The following MSH3 variants were observed in gnomAD, a reference collection of about 807,000 sequenced individuals.
The protein encoded by MSH3 is DNA mismatch repair protein Msh3.
A neutral mutation model predicts 123.3 loss-of-function variants in MSH3; 106 were observed. The observed-to-expected ratio is 0.86, with a 90% CI of 0.73 to 1.01. The LOEUF (loss-of-function observed/expected upper bound fraction) is 1.01, where lower values mean the gene tolerates loss of function less well. Among genes scored for constraint, MSH3 ranks in the 50% least tolerant of loss-of-function variants. The pLI, the probability that MSH3 is intolerant of heterozygous loss-of-function variation, is 0.00. For synonymous variants in MSH3, 515 were observed against 481.4 expected (o/e 1.07, Z -0.91); for missense variants, 1,459 against 1,347.6 (o/e 1.08, Z -1.29).
chr5:80,702,998 C>CGA (rs1750645995), intron 8 of MSH3, among the ~76,000 whole-genome samples: 1 of 152,022 alleles, frequency 6.6e-6, no homozygotes, highest in Admixed American at 6.5e-5. Context: ...GGCGACAGAG[C>CGA]GAGACAAGCA....
At chr5:80,716,579 CTT>C (rs1018575066) in intron 8 of MSH3, among the ~76,000 whole-genome samples, 21 of 151,746 alleles carry the variant, frequency 1.4e-4, no homozygotes, top group African/African-American at 4.8e-4. Flanking sequence ...TTTTGAGAAA[CTT>C]ATATTTTTTT....
intron 20 of MSH3, among the ~76,000 whole-genome samples, chr5:80,839,626 C>G (rs569693494): frequency 2.0e-5 from 3 of 152,250 alleles, no homozygotes; most frequent in East Asian, 1.9e-4. Flanking sequence ...CAGATGTTTG[C>G]TAGGTGCTTG....
intron 23 of MSH3, among the ~76,000 whole-genome samples, chr5:80,873,645 A>G (rs1746260367): frequency 1.3e-5 from 2 of 152,208 alleles, no homozygotes; most frequent in African/African-American, 4.8e-5. Flanking sequence ...TTTTATTCAG[A>G]TATGCAACGA....
At chr5:80,845,458 G>A (rs1745704068) in intron 20 of MSH3, among the ~76,000 whole-genome samples, 1 of 152,082 alleles carries the variant, frequency 6.6e-6, no homozygotes, top group African/African-American at 2.4e-5. Context: ...GCCTTGCTAG[G>A]TTAGGGAACT....
intron 13 of MSH3, among the ~76,000 whole-genome samples, chr5:80,767,660 T>G (rs1282467858): frequency 1.3e-5 from 2 of 152,128 alleles, no homozygotes; most frequent in Admixed American, 1.3e-4. Context: ...TTAACCTATT[T>G]TTGCTATATG....
At chr5:80,726,970 G>T (rs930144209) in intron 9 of MSH3, among the ~76,000 whole-genome samples, 3 of 152,188 alleles carry the variant, frequency 2.0e-5, no homozygotes, top group Non-Finnish European at 4.4e-5. Flanking sequence ...AGACTTTGTG[G>T]CAGTGCCCGG....
intron 20 of MSH3, among the ~76,000 whole-genome samples, chr5:80,826,408 A>G (rs915830203): frequency 1.1e-4 from 17 of 152,360 alleles, no homozygotes; most frequent in African/African-American, 4.1e-4. Context: ...AATAGATTCT[A>G]TTATCAATTG....
chr5:80,775,769 A>G lies in MSH3; in HGVS notation c.2318+11A>G, dbSNP rs200378976. On this transcript the variant is annotated intron_variant, in intron 16 of 23. Coordinates refer to ENST00000265081, the MANE Select transcript of MSH3 (RefSeq NM_002439.5). ...GGTAAAGGTTGGAAGGTAGGTTTAAAATAAATTTTTTTCTTACAATGCATT... is the reference window on the plus strand; with the variant it reads ...GGTAAAGGTTGGAAGGTAGGTTTAAGATAAATTTTTTTCTTACAATGCATT... 284 of 1,544,178 alleles carry G rather than the reference A, an allele frequency of 1.8e-4. 1 individual carries two copies. In the African/African-American group the frequency reaches 3.7e-3, roughly 20 times the overall value.
chr5:80,851,311 A>T lies in MSH3; in HGVS notation c.2814-2819A>T, dbSNP rs1288001244. Among the ~76,000 whole-genome samples the T allele has an allele frequency of 7.2e-5, 11 of 152,180 alleles. No individual in the cohort carries two copies. In the East Asian group the frequency reaches 2.1e-3, roughly 29 times the overall value. Reference sequence around the variant, plus strand: ...TGTAACAAGTCTCTGTCTCATAAAAATACCCTTTCCCCGCAGCACTCTTGA... The same window carrying T: ...TGTAACAAGTCTCTGTCTCATAAAATTACCCTTTCCCCGCAGCACTCTTGA... On this transcript the variant is annotated intron_variant, in intron 20 of 23. Coordinates refer to ENST00000265081, the MANE Select transcript of MSH3 (RefSeq NM_002439.5).
intron 19 of MSH3, among the ~76,000 whole-genome samples, chr5:80,808,343 A>G (rs767517289): frequency 6.6e-6 from 1 of 152,020 alleles, no homozygotes; most frequent in Non-Finnish European, 1.5e-5. Context: ...ATGTTTTTCT[A>G]TCTGGGACCT....
intron 21 of MSH3, among the ~76,000 whole-genome samples, chr5:80,863,441 T>C (rs1181983803): frequency 6.6e-6 from 1 of 151,946 alleles, no homozygotes; most frequent in Non-Finnish European, 1.5e-5. Flanking sequence ...GAGGCCAAGG[T>C]GGGTGGATCA....
chr5:80,808,873 A>ATATATATATATATATATATG lies in MSH3; in HGVS notation c.2656-4701_2656-4700insTATATATATGTATATATATA, dbSNP rs754318556. 1.8e-3 allele frequency among the ~76,000 whole-genome samples: 246 copies of ATATATATATATATATATATG among 137,020 alleles called. 3 individuals carry two copies. Among genetic ancestry groups the ATATATATATATATATATATG allele is most frequent in the Middle Eastern group, 8.1e-3 (2 of 248 alleles). 89.9% of individuals were successfully genotyped at this position (137,020 alleles called of 152,430 possible). The stretch of plus-strand genomic sequence containing the variant: ...ATATCTTCTTCATATATATATATAT[A>ATATATATATATATATATATG]TATATATATACACAATCTAAATTCG... On this transcript the variant is annotated intron_variant, in intron 19 of 23. Coordinates refer to ENST00000265081, the MANE Select transcript of MSH3 (RefSeq NM_002439.5).
At chr5:80,795,129 CAG>C (rs1343629745) in intron 19 of MSH3, among the ~76,000 whole-genome samples, 1 of 152,108 alleles carries the variant, frequency 6.6e-6, no homozygotes, top group Non-Finnish European at 1.5e-5. Context: ...GGGACTGTAA[CAG>C]AGTATTCTAC....
At chr5:80,855,432 T>C (rs952008434) in intron 21 of MSH3, 1 of 152,240 alleles carries the variant, frequency 6.6e-6, no homozygotes, top group Non-Finnish European at 1.5e-5. Context: ...AGTTTTGTTT[T>C]TAAAGCTTAA....
chr5:80,829,334 A>G (rs1246640762), intron 20 of MSH3, among the ~76,000 whole-genome samples: 2 of 152,230 alleles, frequency 1.3e-5, no homozygotes, highest in Non-Finnish European at 2.9e-5. Flanking sequence ...GAAAAGCTTC[A>G]AGTTTCTCAC....
intron 21 of MSH3, among the ~76,000 whole-genome samples, chr5:80,856,833 A>G (rs1745928788): frequency 6.6e-6 from 1 of 152,188 alleles, no homozygotes; most frequent in Non-Finnish European, 1.5e-5. Context: ...TGAATTTCCT[A>G]CATAGGCAGT....
chr5:80,782,805 A>G (rs1744433891), intron 17 of MSH3, among the ~76,000 whole-genome samples: 1 of 152,072 alleles, frequency 6.6e-6, no homozygotes, highest in South Asian at 2.1e-4. Context: ...AAAATGATTA[A>G]CCTCAATGAA....
intron 8 of MSH3, among the ~76,000 whole-genome samples, chr5:80,695,261 T>C (rs2112833902): frequency 6.6e-6 from 1 of 152,194 alleles, no homozygotes; most frequent in South Asian, 2.1e-4. Context: ...TCACTGATTG[T>C]TTCATCTGTT....
chr5:80,838,112 C>T (rs1447582930), intron 20 of MSH3, among the ~76,000 whole-genome samples: 1 of 152,214 alleles, frequency 6.6e-6, no homozygotes, highest in Non-Finnish European at 1.5e-5. Context: ...ATTAATATCT[C>T]ATCACCTTTG....
Sources: gnomAD v4.1 joint callset for allele counts (sites outside exome capture counted in the v4.1 genomes callset) on GRCh38, gnomAD v4.1.1 for gene constraint, MANE v1.5 for transcripts, NCBI Gene and HGNC (gene_info 2026-07-23, HGNC 2026-07-21) for gene names.